Variants in IL31RA observed in about 807,000 individuals in gnomAD.
IL31RA encodes the protein interleukin-31 receptor subunit alpha.
Under a neutral mutation model 83.7 loss-of-function variants are expected in IL31RA, and 66 were observed. The ratio of observed to expected loss-of-function variants is 0.79; its 90% CI spans 0.65 to 0.97. The LOEUF is 0.97. Ranked by LOEUF, IL31RA falls within the 50% of genes least tolerant of loss-of-function variation. The pLI is 0.00. For missense variants in IL31RA, 798 were observed against 919.4 expected (o/e 0.87, Z 1.71); for synonymous variants, 325 against 329.0 (o/e 0.99, Z 0.13).
chr5:55,848,848 T>C (rs1744992576), upstream of IL31RA, among the ~76,000 whole-genome samples: 1 of 152,148 alleles, frequency 6.6e-6, no homozygotes, highest in Non-Finnish European at 1.5e-5. Flanking sequence ...GAACTCTCTT[T>C]CTATGACTTT....
intron 7 of IL31RA, among the ~76,000 whole-genome samples, chr5:55,898,108 C>T (rs983869528): frequency 6.6e-6 from 1 of 152,250 alleles, no homozygotes; most frequent in African/African-American, 2.4e-5. Context: ...AGATGCTGTG[C>T]TGTCTTTCTC....
intron 4 of IL31RA, among the ~76,000 whole-genome samples, chr5:55,877,955 A>G (rs1746963376): frequency 6.6e-6 from 1 of 152,162 alleles, no homozygotes; most frequent in Admixed American, 6.5e-5. Flanking sequence ...GAAACTCCCA[A>G]AATGTGTTTA....
Position 55,920,489 on chromosome 5 carries a change from T to C in IL31RA, c.*3369T>C, listed in dbSNP as rs147467755. ...TTCACGTAGTGTTGACAAAGTGTAA[T>C]TGGAACACAGCCATGCCCATCGTTG... is the stretch of plus-strand genomic sequence containing the variant. On this transcript the variant is annotated 3_prime_UTR_variant, in exon 15 of 15. Coordinates refer to ENST00000652347, the MANE Select transcript of IL31RA (RefSeq NM_139017.7). Among the ~76,000 whole-genome samples, 19 of 152,360 alleles carry C rather than the reference T, an allele frequency of 1.2e-4. No individual in the cohort carries two copies. In the East Asian group the frequency reaches 3.7e-3, roughly 29 times the overall value.
chr5:55,906,367 G>A, intron 9 of IL31RA, 79 bp downstream of exon 9: 1 of 1,381,384 alleles, frequency 7.2e-7, no homozygotes, highest in Non-Finnish European at 1.0e-6. Flanking sequence ...CTTTAACTTT[G>A]GCTTCAAAGC....
intron 8 of IL31RA, among the ~76,000 whole-genome samples, chr5:55,902,825 C>G (rs1045544264): frequency 6.6e-6 from 1 of 151,986 alleles, no homozygotes; most frequent in Admixed American, 6.6e-5. Flanking sequence ...ATAGGTTTTC[C>G]CATTTTAGCC....
rs568687362 is a variant in IL31RA at position 55,864,659 on chromosome 5, G to A, written c.155-4132G>A. 7.6e-4 allele frequency among the ~76,000 whole-genome samples: 111 copies of A among 145,512 alleles called. 1 individual carries two copies. The highest frequency in any genetic ancestry group is 1.3e-3 in the Non-Finnish European group (86 of 66,342). On this transcript the variant is annotated intron_variant, in intron 2 of 14. Coordinates refer to ENST00000652347, the MANE Select transcript of IL31RA (RefSeq NM_139017.7). ...CACGCACACACCAACACGCTCCAGC[G>A]GACACACACTATATATGCATTATAA...
intron 12 of IL31RA, among the ~76,000 whole-genome samples, chr5:55,912,300 G>A (rs1175940522): frequency 6.6e-6 from 1 of 152,116 alleles, no homozygotes; most frequent in Non-Finnish European, 1.5e-5. Context: ...TAACTTTCAA[G>A]GTCTTTCATC....
chr5:55,897,435 A>G (rs1483251721), intron 7 of IL31RA, among the ~76,000 whole-genome samples: 1 of 151,998 alleles, frequency 6.6e-6, no homozygotes, highest in Non-Finnish European at 1.5e-5. Context: ...ACGATCACTG[A>G]CCAGCCTCTG....
At chr5:55,912,051 T>C (rs1351975959) in intron 12 of IL31RA, among the ~76,000 whole-genome samples, 2 of 152,194 alleles carry the variant, frequency 1.3e-5, no homozygotes, top group Non-Finnish European at 2.9e-5. Context: ...TTTGCAACAC[T>C]GGGCACAAAT....
intron 1 of IL31RA, among the ~76,000 whole-genome samples, chr5:55,859,254 T>C (rs553857805): frequency 6.6e-6 from 1 of 152,224 alleles, no homozygotes; most frequent in East Asian, 1.9e-4. Flanking sequence ...ACATTCTTGG[T>C]AGTTGGTATA....
At chr5:55,912,184 A>G (rs1749536763) in intron 12 of IL31RA, among the ~76,000 whole-genome samples, 2 of 152,182 alleles carry the variant, frequency 1.3e-5, no homozygotes, top group Non-Finnish European at 1.5e-5. Context: ...TTGATCCTCT[A>G]TAATCCATTT....
rs577342562 is a variant in IL31RA at position 55,881,704 on chromosome 5, C to T, written c.455-1340C>T. Among the ~76,000 whole-genome samples, 620 of 149,200 alleles carry T rather than the reference C, an allele frequency of 4.2e-3. 5 individuals are homozygous for T. Among genetic ancestry groups the T allele is most frequent in the Middle Eastern group, 0.011 (3 of 280 alleles). The stretch of plus-strand genomic sequence containing the variant: ...AATGGCCATGCTTGAGCCCACTCGC[C>T]CAGTTCCTGAGATTTTTTTTTTTTT... On this transcript the variant is annotated intron_variant, in intron 4 of 14. Transcript: ENST00000652347.
Position 55,886,268 on chromosome 5 carries a change from C to CTTGCTTTTTTTTTTTTTTTTTTTTTTT in IL31RA, c.606+3075_606+3076insGCTTTTTTTTTTTTTTTTTTTTTTTTT, listed in dbSNP as rs1235138364. The stretch of plus-strand genomic sequence containing the variant: ...GCTAGCTTGCTTGCTTGCTTGCTTG[C>CTTGCTTTTTTTTTTTTTTTTTTTTTTT]TTTTTTTTTTTTTTTTTTTTTTTGA... On this transcript the variant is annotated intron_variant, in intron 5 of 14. Transcript: ENST00000652347. Among the ~76,000 whole-genome samples the CTTGCTTTTTTTTTTTTTTTTTTTTTTT allele has an allele frequency of 2.0e-4, 14 of 71,506 alleles. 2 individuals carry two copies. Among genetic ancestry groups the CTTGCTTTTTTTTTTTTTTTTTTTTTTT allele is most frequent in the African/African-American group, 7.3e-4 (10 of 13,720 alleles). The allele number at this position is 71,506 out of a possible 152,430, so 46.9% of individuals were successfully genotyped here. A position where few individuals can be genotyped will look rare whatever the true frequency, so the allele number is the denominator to read the frequency against.
At chr5:55,878,058 G>A (rs1746970962) in intron 4 of IL31RA, among the ~76,000 whole-genome samples, 1 of 151,846 alleles carries the variant, frequency 6.6e-6, no homozygotes, top group South Asian at 2.1e-4. Flanking sequence ...AATACTTTCA[G>A]TTGTTCTATC....
At chr5:55,889,207 G>A (rs1397490672) in intron 5 of IL31RA, among the ~76,000 whole-genome samples, 4 of 152,134 alleles carry the variant, frequency 2.6e-5, no homozygotes, top group Non-Finnish European at 4.4e-5. Flanking sequence ...GCTCAGAAAA[G>A]GAATAGCTAA....
chr5:55,872,471 CT>C lies in IL31RA; in HGVS notation c.454+22del. Reference sequence around the variant, plus strand: ...ACATAGGTAAGTGTTATTTGATACTCTTATATACTCTTTATTAAATGTTTAC... The same window carrying C: ...ACATAGGTAAGTGTTATTTGATACTCTATATACTCTTTATTAAATGTTTAC... On this transcript the variant is annotated intron_variant, in intron 4 of 14. Coordinates refer to ENST00000652347, the MANE Select transcript of IL31RA (RefSeq NM_139017.7). The C allele has an allele frequency of 6.8e-7, 1 of 1,468,112 alleles. No homozygotes were observed. The highest frequency in any genetic ancestry group is 9.5e-7 in the Non-Finnish European group (1 of 1,056,610). 90.9% of individuals were successfully genotyped at this position (1,468,112 alleles called of 1,614,324 possible).
At chr5:55,898,529 T>C (rs980289401) in intron 7 of IL31RA, among the ~76,000 whole-genome samples, 6 of 151,708 alleles carry the variant, frequency 4.0e-5, no homozygotes, top group African/African-American at 1.5e-4. Flanking sequence ...TTAAAAAGAA[T>C]GTTATTTAAA....
chr5:55,876,374 C>G (rs1746850967), intron 4 of IL31RA, among the ~76,000 whole-genome samples: 1 of 152,168 alleles, frequency 6.6e-6, no homozygotes, highest in South Asian at 2.1e-4. Context: ...CCACTACACT[C>G]CAGCCTGGTA....
intron 2 of IL31RA, among the ~76,000 whole-genome samples, 160 bp downstream of exon 2, chr5:55,859,759 C>T (rs1745559654): frequency 6.6e-6 from 1 of 152,220 alleles, no homozygotes; most frequent in Non-Finnish European, 1.5e-5. Context: ...TGTGTGCACA[C>T]ATGCATGCAA....
Sources: gnomAD v4.1 joint callset for allele counts (sites outside exome capture counted in the v4.1 genomes callset) on GRCh38, gnomAD v4.1.1 for gene constraint, MANE v1.5 for transcripts, NCBI Gene and HGNC (gene_info 2026-07-23, HGNC 2026-07-21) for gene names.